Variants in WBP4 observed in about 807,000 individuals in gnomAD.
WBP4 encodes WW domain binding protein 4, also known as WW domain-binding protein 4.
In WBP4, 37 loss-of-function variants were observed where a neutral mutation model predicts 55.4. The observed-to-expected ratio is 0.67, with a 90% CI of 0.51 to 0.88. WBP4 has a LOEUF of 0.88. Ranked by LOEUF, WBP4 falls within the 40% of genes least tolerant of loss-of-function variation. The pLI, the probability that WBP4 is intolerant of heterozygous loss-of-function variation, is 0.00. For missense variants in WBP4, 398 were observed against 420.8 expected, an observed-to-expected ratio of 0.95 and a Z score of 0.47; for synonymous variants, 142 against 140.2, an observed-to-expected ratio of 1.01 and a Z score of -0.09.
chr13:41,074,685 A>C (rs1474447220), intron 7 of WBP4, among the ~76,000 whole-genome samples: 1 of 152,218 alleles, frequency 6.6e-6, no homozygotes, highest in Non-Finnish European at 1.5e-5. Context: ...TGCTTGGCAC[A>C]TAGTAGGTGC....
rs1423866117 is a variant in WBP4 at position 41,072,812 on chromosome 13, T to C, written c.517T>C (p.Leu173=). 6.2e-7 allele frequency: 1 copy of C among 1,613,652 alleles called. No individual in the cohort carries two copies. Among genetic ancestry groups the C allele is most frequent in the Non-Finnish European group, 8.5e-7 (1 of 1,179,814 alleles). Residue 173 remains leucine, a synonymous_variant, in exon 7 of 10, where the codon TTA becomes CTA. Transcript: ENST00000379487. The part of the protein sequence containing the change: ...TAVKTVWVEG[L]SEDGFTYYYN... ...AGTGAAGACCGTTTGGGTAGAAGGTTTAAGTGAAGATGGTTTTACCTATTA... is the reference window on the plus strand; with the variant it reads ...AGTGAAGACCGTTTGGGTAGAAGGTCTAAGTGAAGATGGTTTTACCTATTA...
intron 4 of WBP4, among the ~76,000 whole-genome samples, chr13:41,067,393 T>C (rs1878021694): frequency 6.6e-6 from 1 of 152,212 alleles, no homozygotes; most frequent in Non-Finnish European, 1.5e-5. Context: ...AAAGTAAATG[T>C]TAATTGGCCA....
intron 6 of WBP4, among the ~76,000 whole-genome samples, 174 bp downstream of exon 6, chr13:41,071,747 A>C (rs1487373247): frequency 6.6e-6 from 1 of 152,120 alleles, no homozygotes; most frequent in Non-Finnish European, 1.5e-5. Flanking sequence ...GATGGAGATG[A>C]AATAGTGATA....
At position 41,072,873 on chromosome 13, in the gene WBP4, G is replaced by T; in HGVS notation, c.562+16G>T. On this transcript the variant is annotated intron_variant, in intron 7 of 9. Coordinates refer to ENST00000379487, the MANE Select transcript of WBP4 (RefSeq NM_007187.5). The stretch of plus-strand genomic sequence containing the variant: ...GAAACAGGAGGTAAGTATTACCTTT[G>T]ATTATCTTAACTGTTTAAAATTGTA... The T allele has an allele frequency of 1.3e-6, 2 of 1,589,806 alleles. No individual in the cohort carries two copies. Among genetic ancestry groups the T allele is most frequent in the South Asian group, 1.1e-5 (1 of 89,826 alleles).
chr13:41,082,979 CT>C lies in WBP4; in HGVS notation c.*66del. 6.9e-7 allele frequency: 1 copy of C among 1,453,762 alleles called. No homozygotes were observed. 90.1% of individuals were successfully genotyped at this position (1,453,762 alleles called of 1,614,324 possible). ...GGAGACTTATACACCCAAAGTTTATCTGTGTTTGTTTGTAAGTATTATGATG... is the reference window on the plus strand; with the variant it reads ...GGAGACTTATACACCCAAAGTTTATCGTGTTTGTTTGTAAGTATTATGATG... On this transcript the variant is annotated 3_prime_UTR_variant, in exon 10 of 10. Coordinates refer to ENST00000379487, the MANE Select transcript of WBP4 (RefSeq NM_007187.5).
At position 41,068,454 on chromosome 13, in the gene WBP4, A is replaced by G. The variant is rs1047006884; in HGVS notation, c.263-107A>G. On this transcript the variant is annotated intron_variant, in intron 4 of 9. Transcript: ENST00000379487. ...TTTATAATAATGTGTTAAGTTCTCA[A>G]AAGAACCTTATCAGGTTTTTGATTG... 11 of 1,109,162 alleles carry G rather than the reference A, an allele frequency of 9.9e-6. No homozygotes were observed. In the South Asian group the frequency reaches 1.9e-4, roughly 19 times the overall value. 68.7% of individuals were successfully genotyped at this position (1,109,162 alleles called of 1,614,324 possible). A position where few individuals can be genotyped will look rare whatever the true frequency, so the allele number is the denominator to read the frequency against.
chr13:41,066,984 T>G (rs1268838088), intron 4 of WBP4, among the ~76,000 whole-genome samples: 1 of 152,220 alleles, frequency 6.6e-6, no homozygotes. Flanking sequence ...AGTAAAGCCA[T>G]AAAAACTATT....
chr13:41,070,521 A>G (rs891622266), intron 5 of WBP4, among the ~76,000 whole-genome samples: 1 of 151,798 alleles, frequency 6.6e-6, no homozygotes, highest in African/African-American at 2.4e-5. Context: ...ATTTACTTAG[A>G]TACGAGATAA....
intron 9 of WBP4, among the ~76,000 whole-genome samples, chr13:41,081,877 G>A (rs551505765): frequency 1.3e-5 from 2 of 151,538 alleles, no homozygotes; most frequent in South Asian, 4.4e-4. Context: ...ATAGGATGAT[G>A]TGTGTTTTTC....
intron 7 of WBP4, among the ~76,000 whole-genome samples, chr13:41,073,400 A>G (rs1465478293): frequency 1.3e-5 from 2 of 151,936 alleles, no homozygotes; most frequent in African/African-American, 4.8e-5. Flanking sequence ...CTGTAATCCA[A>G]GCTACTTGGG....
chr13:41,070,640 G>A (rs1270530340), intron 5 of WBP4, among the ~76,000 whole-genome samples: 1 of 152,092 alleles, frequency 6.6e-6, no homozygotes, highest in Non-Finnish European at 1.5e-5. Flanking sequence ...GATGGTTACA[G>A]TGTGGAGCTG....
At chr13:41,071,342 C>T (rs1363540044) in intron 5 of WBP4, among the ~76,000 whole-genome samples, 185 bp from the exon 6 acceptor site, 1 of 152,202 alleles carries the variant, frequency 6.6e-6, no homozygotes, top group African/African-American at 2.4e-5. Context: ...TTCTTGGTTA[C>T]GTAGCATTCA....
At chr13:41,073,856 A>C (rs1011805928) in intron 7 of WBP4, among the ~76,000 whole-genome samples, 1 of 152,202 alleles carries the variant, frequency 6.6e-6, no homozygotes, top group Non-Finnish European at 1.5e-5. Context: ...CTAACAAATT[A>C]GTAAAAGTGA....
chr13:41,063,554 T>TA lies in WBP4; in HGVS notation c.75+839dup, dbSNP rs1220074123. ...TACCTAGGCTATCCTTATAAATAAA[T>TA]ACCATGAATTTTTAAAACCACACAG... On this transcript the variant is annotated intron_variant, in intron 2 of 9. Coordinates refer to ENST00000379487, the MANE Select transcript of WBP4 (RefSeq NM_007187.5). 1.2e-4 allele frequency among the ~76,000 whole-genome samples: 18 copies of TA among 152,248 alleles called. No homozygotes were observed. The East Asian group carries it at 3.5e-3, about 29-fold the overall frequency.
intron 1 of WBP4, chr13:41,062,017 C>G (rs777352004): frequency 2.0e-6 from 2 of 978,812 alleles, no homozygotes; most frequent in Non-Finnish European, 1.2e-6. Flanking sequence ...AGCCCCTGAA[C>G]CCTAGGGTAT....
At chr13:41,068,156 C>T (rs891119111) in intron 4 of WBP4, among the ~76,000 whole-genome samples, 1 of 151,882 alleles carries the variant, frequency 6.6e-6, no homozygotes, top group Admixed American at 6.6e-5. Flanking sequence ...AAATAGTGAA[C>T]GTTGTACCCA....
At chr13:41,079,105 A>G (rs1878645287) in intron 8 of WBP4, among the ~76,000 whole-genome samples, 1 of 152,168 alleles carries the variant, frequency 6.6e-6, no homozygotes, top group Admixed American at 6.5e-5. Flanking sequence ...ACTCAACAAG[A>G]AAAAAACAAC....
At chr13:41,075,398 T>C (rs968609544) in intron 7 of WBP4, among the ~76,000 whole-genome samples, 2 of 152,174 alleles carry the variant, frequency 1.3e-5, no homozygotes, top group East Asian at 1.9e-4. Flanking sequence ...TTTTTTTAAA[T>C]TGAGACAAGG....
At chr13:41,064,109 A>G (rs963895683) in intron 2 of WBP4, among the ~76,000 whole-genome samples, 1 of 151,334 alleles carries the variant, frequency 6.6e-6, no homozygotes, top group African/African-American at 2.4e-5. Flanking sequence ...CATTGTTTCT[A>G]CATGCATGTA....
Sources: gnomAD v4.1 joint callset for allele counts (sites outside exome capture counted in the v4.1 genomes callset) on GRCh38, gnomAD v4.1.1 for gene constraint, MANE v1.5 for transcripts, NCBI Gene and HGNC (gene_info 2026-07-23, HGNC 2026-07-21) for gene names.